PDE4B: variants seen among roughly 807,000 people sequenced by gnomAD.
PDE4B encodes the protein phosphodiesterase 4B, also known as 3',5'-cyclic-AMP phosphodiesterase 4B.
PDE4B carries 20 observed loss-of-function variants against 82.2 expected under a neutral mutation model. The observed-to-expected ratio is 0.24, with a 90% CI of 0.17 to 0.35. The LOEUF is 0.35. Ranked by LOEUF, PDE4B falls within the 10% of genes least tolerant of loss-of-function variation. PDE4B has a pLI of 1.00. For synonymous variants in PDE4B, 320 were observed against 318.9 expected, an observed-to-expected ratio of 1.00 and a Z score of -0.04; for missense variants, 655 against 907.2, an observed-to-expected ratio of 0.72 and a Z score of 3.57.
intron 8 of PDE4B, among the ~76,000 whole-genome samples, chr1:66,353,601 AAG>A (rs766859069): frequency 4.6e-5 from 7 of 152,234 alleles, no homozygotes; most frequent in Non-Finnish European, 1.0e-4. Flanking sequence ...ACAGAGGGGA[AAG>A]ATGAGGAGGG....
intron 3 of PDE4B, among the ~76,000 whole-genome samples, chr1:66,143,051 A>G (rs978370353): frequency 2.0e-5 from 3 of 152,250 alleles, no homozygotes; most frequent in Non-Finnish European, 4.4e-5. Flanking sequence ...ACCATAGCAC[A>G]GGAGCCACAC....
At chr1:66,328,345 G>A (rs989284878) in intron 7 of PDE4B, among the ~76,000 whole-genome samples, 1 of 152,140 alleles carries the variant, frequency 6.6e-6, no homozygotes, top group Non-Finnish European at 1.5e-5. Flanking sequence ...ACCATACATG[G>A]TCCCATGACC....
At chr1:66,094,583 G>A (rs535699342) in intron 3 of PDE4B, 29 of 152,070 alleles carry the variant, frequency 1.9e-4, no homozygotes, top group Non-Finnish European at 3.2e-4. Flanking sequence ...CACTCTCTTG[G>A]CTTACGAACT....
chr1:66,043,116 T>C (rs1009043944), intron 3 of PDE4B, among the ~76,000 whole-genome samples: 3 of 151,716 alleles, frequency 2.0e-5, no homozygotes, highest in African/African-American at 7.2e-5. Flanking sequence ...GTGCCTACTG[T>C]GTGTTATAGT....
chr1:65,823,163 C>T (rs911080195), intron 1 of PDE4B, among the ~76,000 whole-genome samples: 10 of 151,802 alleles, frequency 6.6e-5, no homozygotes, highest in African/African-American at 1.9e-4. Context: ...TTTGGGAGGC[C>T]GAGGCGGATG....
chr1:65,999,836 T>C (rs1651765115), intron 3 of PDE4B, among the ~76,000 whole-genome samples: 1 of 152,174 alleles, frequency 6.6e-6, no homozygotes, highest in Non-Finnish European at 1.5e-5. Flanking sequence ...TCCTGCTCTT[T>C]ATTCTATGAG....
At chr1:65,884,063 A>C (rs1434043096) in intron 1 of PDE4B, among the ~76,000 whole-genome samples, 2 of 152,194 alleles carry the variant, frequency 1.3e-5, no homozygotes, top group East Asian at 3.9e-4. Context: ...GTTTGCCAGT[A>C]TTTTATTGAG....
At chr1:66,235,835 C>T (rs1042818132) in intron 3 of PDE4B, among the ~76,000 whole-genome samples, 11 of 152,152 alleles carry the variant, frequency 7.2e-5, no homozygotes, top group Non-Finnish European at 1.5e-4. Context: ...TTTTCAGAAT[C>T]GGGCAGCCCT....
intron 16 of PDE4B, among the ~76,000 whole-genome samples, chr1:66,371,098 A>ATATATATG (rs1461877903): frequency 1.1e-4 from 5 of 47,588 alleles, no homozygotes. Context: ...ATCATACTAT[A>ATATATATG]TATATATATA....
chr1:66,130,575 G>A (rs1162657858), intron 3 of PDE4B, among the ~76,000 whole-genome samples: 2 of 152,122 alleles, frequency 1.3e-5, no homozygotes, highest in African/African-American at 4.8e-5. Flanking sequence ...CCTCTTATAT[G>A]ATTCTCTATC....
chr1:66,249,055 G>A (rs1653552576), intron 4 of PDE4B, among the ~76,000 whole-genome samples: 1 of 152,120 alleles, frequency 6.6e-6, no homozygotes. Flanking sequence ...TCTTCAAATT[G>A]CAAAGTGGCA....
At chr1:66,249,367 A>G (rs556407092) in intron 4 of PDE4B, among the ~76,000 whole-genome samples, 1 of 152,314 alleles carries the variant, frequency 6.6e-6, no homozygotes, top group South Asian at 2.1e-4. Context: ...TCATTCCCCA[A>G]AAACTAATTC....
intron 3 of PDE4B, among the ~76,000 whole-genome samples, chr1:66,024,486 A>C (rs1653324197): frequency 2.0e-5 from 3 of 152,144 alleles, no homozygotes; most frequent in Admixed American, 2.0e-4. Context: ...GTATTGCATT[A>C]AACTAGAATT....
intron 3 of PDE4B, among the ~76,000 whole-genome samples, chr1:66,049,535 C>A (rs1272708733): frequency 6.6e-6 from 1 of 151,954 alleles, no homozygotes; most frequent in Non-Finnish European, 1.5e-5. Context: ...GGAGGTTTTT[C>A]AACTAGACCT....
chr1:66,262,480 C>T (rs517669), intron 6 of PDE4B, among the ~76,000 whole-genome samples: 11,017 of 152,250 alleles, frequency 0.072, 1,267 homozygotes, highest in African/African-American at 0.25. Flanking sequence ...CTATTCAGGG[C>T]TGGAAAGTAT....
chr1:66,245,734 C>A (rs529809485), intron 3 of PDE4B, among the ~76,000 whole-genome samples: 1 of 152,188 alleles, frequency 6.6e-6, no homozygotes, highest in African/African-American at 2.4e-5. Context: ...CTTGAAAGAC[C>A]AAACATATTG....
chr1:65,908,982 T>C (rs2100445832), intron 1 of PDE4B, among the ~76,000 whole-genome samples: 1 of 152,166 alleles, frequency 6.6e-6, no homozygotes, highest in South Asian at 2.1e-4. Flanking sequence ...AATAAAAGAG[T>C]AGTACATTCT....
intron 3 of PDE4B, among the ~76,000 whole-genome samples, chr1:65,969,722 C>T (rs574754123): frequency 2.0e-5 from 3 of 152,016 alleles, no homozygotes; most frequent in African/African-American, 7.2e-5. Context: ...GACATTTTTA[C>T]TGTGATTCTC....
chr1:66,298,892 A>G lies in PDE4B; in HGVS notation c.634+32805A>G, dbSNP rs1317300558. 3.3e-5 allele frequency among the ~76,000 whole-genome samples: 5 copies of G among 152,160 alleles called. No homozygotes were observed. In the East Asian group the frequency reaches 7.7e-4, roughly 23 times the overall value. ...GTGAAGTAGAAAGTACTGTGCTCAT[A>G]GTAGTCATTCTGTGGTACCTTTTTT... On this transcript the variant is annotated intron_variant, in intron 7 of 16. Coordinates refer to ENST00000341517, the MANE Select transcript of PDE4B (RefSeq NM_002600.4).
Sources: allele counts gnomAD v4.1 joint callset (sites outside exome capture counted in the v4.1 genomes callset), GRCh38; gene constraint gnomAD v4.1.1; transcripts MANE v1.5; gene names NCBI Gene and HGNC (gene_info 2026-07-23, HGNC 2026-07-21).